The following CEP63 variants were observed in gnomAD, a reference collection of about 807,000 sequenced individuals.
CEP63 encodes centrosomal protein 63.
In CEP63, 84 loss-of-function variants were observed where a neutral mutation model predicts 89.1. That is an observed-to-expected ratio of 0.94 (90% confidence interval 0.79 to 1.13). CEP63 has a LOEUF of 1.13. CEP63 is among the 50% of genes most tolerant of loss of function. CEP63 has a pLI of 0.00. For synonymous variants in CEP63, 267 were observed against 272.5 expected, an observed-to-expected ratio of 0.98 and a Z score of 0.20; for missense variants, 838 against 813.3, an observed-to-expected ratio of 1.03 and a Z score of -0.37.
At chr3:134,600,679 G>A in the CEP63 span, 1 of 152,238 alleles carries the variant, frequency 6.6e-6, no homozygotes, top group African/African-American at 2.4e-5. Flanking sequence ...GAGTTTGATC[G>A]GTTCCAATCC....
chr3:134,644,144 GAGA>G, the CEP63 span, among the ~76,000 whole-genome samples: 105 of 152,198 alleles, frequency 6.9e-4, no homozygotes, highest in Middle Eastern at 3.4e-3. Flanking sequence ...GCTTCTTAAT[GAGA>G]AGAACAGGGG....
the CEP63 span, among the ~76,000 whole-genome samples, chr3:134,666,932 G>T: frequency 2.6e-5 from 4 of 152,070 alleles, no homozygotes; most frequent in Non-Finnish European, 5.9e-5. Context: ...CTAGAATCTG[G>T]GTCTGTTTTA....
At chr3:134,740,266 T>TTTTCTTTA in the CEP63 span, among the ~76,000 whole-genome samples, 1 of 140,932 alleles carries the variant, frequency 7.1e-6, no homozygotes, top group South Asian at 2.3e-4. Flanking sequence ...TATTCTTTTC[T>TTTTCTTTA]TTTATTTATT....
chr3:134,737,321 A>T, the CEP63 span, among the ~76,000 whole-genome samples: 1 of 152,198 alleles, frequency 6.6e-6, no homozygotes, highest in African/African-American at 2.4e-5. Context: ...ACAATTAAAA[A>T]CTTGTGATTG....
intron 4 of CEP63, among the ~76,000 whole-genome samples, 193 bp from the exon 5 acceptor site, chr3:134,532,585 T>G (rs1227336277): frequency 6.6e-6 from 1 of 152,206 alleles, no homozygotes; most frequent in East Asian, 1.9e-4. Flanking sequence ...AATTTTTTCT[T>G]TGAATATATT....
the CEP63 span, among the ~76,000 whole-genome samples, chr3:134,736,781 C>T: frequency 1.7e-3 from 254 of 152,176 alleles, 3 homozygotes; most frequent in African/African-American, 5.8e-3. Context: ...TTGGAATTTG[C>T]CAGTTTGATT....
the CEP63 span, among the ~76,000 whole-genome samples, chr3:134,760,751 C>T: frequency 1.1e-4 from 16 of 152,266 alleles, no homozygotes; most frequent in Admixed American, 1.0e-3. Flanking sequence ...TTCACGTGCT[C>T]TTGGCTGGAG....
the CEP63 span, among the ~76,000 whole-genome samples, chr3:134,757,068 C>T: frequency 1.3e-5 from 2 of 152,176 alleles, no homozygotes; most frequent in Non-Finnish European, 2.9e-5. Context: ...CACAGACCAC[C>T]ATGTTCCCAT....
At chr3:134,687,779 C>T in the CEP63 span, among the ~76,000 whole-genome samples, 1 of 152,164 alleles carries the variant, frequency 6.6e-6, no homozygotes, top group Admixed American at 6.5e-5. Context: ...ACACCTGTGG[C>T]AGGATGGAGG....
chr3:134,643,999 G>A, the CEP63 span, among the ~76,000 whole-genome samples: 7 of 152,078 alleles, frequency 4.6e-5, no homozygotes, highest in African/African-American at 1.7e-4. Flanking sequence ...CTAATTTTTT[G>A]TATTTTTAGT....
At chr3:134,676,172 C>T in the CEP63 span, among the ~76,000 whole-genome samples, 4 of 152,136 alleles carry the variant, frequency 2.6e-5, no homozygotes, top group African/African-American at 9.7e-5. Context: ...AAAGTGGAAA[C>T]AACCTAGATG....
At chr3:134,512,372 A>T (rs1945183631) in intron 3 of CEP63, among the ~76,000 whole-genome samples, 1 of 152,222 alleles carries the variant, frequency 6.6e-6, no homozygotes, top group African/African-American at 2.4e-5. Flanking sequence ...CTAGCTCCCT[A>T]CAGGGCACGT....
At chr3:134,507,337 T>C (rs757093358) in intron 3 of CEP63, 51 bp downstream of exon 3, 25 of 1,350,352 alleles carry the variant, frequency 1.9e-5, no homozygotes, top group Non-Finnish European at 2.6e-5. Flanking sequence ...TTGTCTTTTA[T>C]ATTAAATGTG....
At chr3:134,632,523 G>A in the CEP63 span, among the ~76,000 whole-genome samples, 1 of 151,892 alleles carries the variant, frequency 6.6e-6, no homozygotes, top group Non-Finnish European at 1.5e-5. Context: ...CAAAGAAGAA[G>A]TCTCAAGGAA....
chr3:134,502,556 T>C (rs1942303032), intron 2 of CEP63, among the ~76,000 whole-genome samples: 1 of 152,184 alleles, frequency 6.6e-6, no homozygotes, highest in African/African-American at 2.4e-5. Flanking sequence ...TGGGAGGTTG[T>C]GTGTTTCCAG....
the CEP63 span, among the ~76,000 whole-genome samples, chr3:134,768,952 A>G: frequency 1.3e-5 from 2 of 152,166 alleles, no homozygotes; most frequent in East Asian, 3.8e-4. Context: ...GGGATCAGAG[A>G]GAAGTTTCTA....
At chr3:134,671,925 G>C in the CEP63 span, among the ~76,000 whole-genome samples, 3 of 152,306 alleles carry the variant, frequency 2.0e-5, no homozygotes, top group South Asian at 2.1e-4. Flanking sequence ...TGTGGATGTA[G>C]GTGGGGAGCA....
At chr3:134,610,305 C>T in the CEP63 span, 7 of 1,613,896 alleles carry the variant, frequency 4.3e-6, no homozygotes, top group Non-Finnish European at 5.9e-6. Flanking sequence ...GGTCAAACTC[C>T]CCCGAGAAGC....
chr3:134,736,822 A>G, the CEP63 span, among the ~76,000 whole-genome samples: 1 of 152,192 alleles, frequency 6.6e-6, no homozygotes, highest in Non-Finnish European at 1.5e-5. Flanking sequence ...CATTCATCCC[A>G]GATAATGGGA....
Sources: gnomAD v4.1 joint callset for allele counts (sites outside exome capture counted in the v4.1 genomes callset) on GRCh38, gnomAD v4.1.1 for gene constraint, MANE v1.5 for transcripts, NCBI Gene and HGNC (gene_info 2026-07-23, HGNC 2026-07-21) for gene names.